The following ASIC2 variants were observed in gnomAD, a reference collection of about 807,000 sequenced individuals.
ASIC2 encodes acid sensing ion channel subunit 2.
Under a neutral mutation model 57.3 loss-of-function variants are expected in ASIC2, and 25 were observed. The ratio of observed to expected loss-of-function variants is 0.44; its 90% CI spans 0.32 to 0.61. ASIC2 has a LOEUF of 0.61. Among genes scored for constraint, ASIC2 ranks in the 20% least tolerant of loss-of-function variants. The pLI is 0.06. For missense variants in ASIC2, 641 were observed against 738.1 expected (o/e 0.87, Z 1.52); for synonymous variants, 319 against 307.5 (o/e 1.04, Z -0.39).
At chr17:34,021,199 T>C (rs1267174870) in intron 1 of ASIC2, among the ~76,000 whole-genome samples, 3 of 151,728 alleles carry the variant, frequency 2.0e-5, no homozygotes, top group African/African-American at 7.3e-5. Context: ...AAGAACTTAC[T>C]CATGTAACCA....
intron 1 of ASIC2, among the ~76,000 whole-genome samples, chr17:33,126,994 A>T (rs1230955956): frequency 6.9e-6 from 1 of 145,404 alleles, no homozygotes; most frequent in African/African-American, 2.6e-5. Flanking sequence ...CAGCCTCCCG[A>T]GTAGCTGGGA....
intron 1 of ASIC2, among the ~76,000 whole-genome samples, chr17:33,416,491 G>T (rs1910845331): frequency 6.6e-6 from 1 of 152,168 alleles, no homozygotes; most frequent in African/African-American, 2.4e-5. Context: ...AGGGTCTCAT[G>T]ATGCCTGGAG....
At position 33,821,005 on chromosome 17, in the gene ASIC2, G is replaced by A. The variant is rs1184000384; in HGVS notation, c.555+334973C>T. ...TCATCTAGGTACAAACAGTTCTGCC[G>A]GGAGTTCTGCATTGGGCTTTAGAGC... On this transcript the variant is annotated intron_variant, in intron 1 of 9. Coordinates refer to the ASIC2 transcript ENST00000359872. 2.0e-5 allele frequency among the ~76,000 whole-genome samples: 3 copies of A among 152,180 alleles called. No homozygotes were observed. In the South Asian group the frequency reaches 6.2e-4, roughly 32 times the overall value.
intron 1 of ASIC2, among the ~76,000 whole-genome samples, chr17:33,176,240 T>C (rs1905752055): frequency 6.6e-6 from 1 of 152,216 alleles, no homozygotes; most frequent in Non-Finnish European, 1.5e-5. Context: ...AATCTATTGC[T>C]TGTCTGTCTC....
At chr17:34,039,803 C>G in intron 1 of ASIC2, 1 of 1,610,066 alleles carries the variant, frequency 6.2e-7, no homozygotes, top group Non-Finnish European at 8.5e-7. Context: ...TTACTAACAC[C>G]TACTCCAGTA....
At chr17:33,600,237 G>T (rs1475634807) in intron 1 of ASIC2, among the ~76,000 whole-genome samples, 1 of 152,188 alleles carries the variant, frequency 6.6e-6, no homozygotes, top group Non-Finnish European at 1.5e-5. Flanking sequence ...GCAGGAATGG[G>T]CTCCTGATAA....
intron 1 of ASIC2, among the ~76,000 whole-genome samples, chr17:34,103,132 GTTTCT>G (rs1910926732): frequency 6.6e-6 from 1 of 152,014 alleles, no homozygotes; most frequent in Non-Finnish European, 1.5e-5. Flanking sequence ...CAGAGTTTTT[GTTTCT>G]TTTGATTTTT....
chr17:33,288,549 T>G (rs1422985423), intron 1 of ASIC2, among the ~76,000 whole-genome samples: 1 of 152,132 alleles, frequency 6.6e-6, no homozygotes, highest in Non-Finnish European at 1.5e-5. Flanking sequence ...AGGGAAACCA[T>G]GTGCTTTGAG....
At chr17:34,107,549 C>T (rs1341483631) in intron 1 of ASIC2, among the ~76,000 whole-genome samples, 1 of 152,076 alleles carries the variant, frequency 6.6e-6, no homozygotes, top group Non-Finnish European at 1.5e-5. Context: ...CTCTTTTGTT[C>T]AGTTCTACAG....
At chr17:33,989,393 G>C (rs1905932085) in intron 1 of ASIC2, among the ~76,000 whole-genome samples, 1 of 152,050 alleles carries the variant, frequency 6.6e-6, no homozygotes, top group Admixed American at 6.6e-5. Context: ...ACACAACAGA[G>C]GGACTTGGCC....
chr17:33,786,433 T>C (rs1911602538), intron 1 of ASIC2, among the ~76,000 whole-genome samples: 1 of 152,088 alleles, frequency 6.6e-6, no homozygotes, highest in African/African-American at 2.4e-5. Context: ...AAACTGAAGG[T>C]GGCATTGGGG....
intron 1 of ASIC2, among the ~76,000 whole-genome samples, chr17:33,490,469 T>C (rs1913717086): frequency 6.6e-6 from 1 of 152,228 alleles, no homozygotes; most frequent in Non-Finnish European, 1.5e-5. Context: ...ATTGTAATGG[T>C]CACTACCTGT....
At chr17:33,553,235 T>C (rs1325777707) in intron 1 of ASIC2, among the ~76,000 whole-genome samples, 1 of 151,984 alleles carries the variant, frequency 6.6e-6, no homozygotes, top group Non-Finnish European at 1.5e-5. Context: ...AGAGGGTGGG[T>C]TGAGATAGCA....
chr17:33,122,064 A>G (rs890486845), intron 1 of ASIC2, among the ~76,000 whole-genome samples: 3 of 152,214 alleles, frequency 2.0e-5, no homozygotes, highest in African/African-American at 4.8e-5. Flanking sequence ...AGGAAGCAGA[A>G]CCCAGGAGGA....
intron 1 of ASIC2, among the ~76,000 whole-genome samples, chr17:34,114,473 G>T (rs1370456757): frequency 6.6e-6 from 1 of 152,118 alleles, no homozygotes; most frequent in Non-Finnish European, 1.5e-5. Context: ...TTTGGAGCAA[G>T]GACAAGGAAA....
chr17:34,132,999 C>T (rs1220089749), intron 1 of ASIC2, among the ~76,000 whole-genome samples: 1 of 152,180 alleles, frequency 6.6e-6, no homozygotes, highest in Non-Finnish European at 1.5e-5. Flanking sequence ...TTTAATACCA[C>T]ATCTCCCTCT....
chr17:33,494,745 C>T (rs968965685), intron 1 of ASIC2, among the ~76,000 whole-genome samples: 3 of 152,198 alleles, frequency 2.0e-5, no homozygotes, highest in Admixed American at 6.5e-5. Context: ...CTGCCCACTT[C>T]GGAGCATTCT....
At chr17:33,407,885 G>A (rs1162360032) in intron 1 of ASIC2, among the ~76,000 whole-genome samples, 4 of 152,202 alleles carry the variant, frequency 2.6e-5, no homozygotes, top group African/African-American at 9.6e-5. Context: ...GGCCAGGACA[G>A]GGAGTGTATT....
chr17:33,559,400 A>G (rs1256025175), intron 1 of ASIC2, among the ~76,000 whole-genome samples: 1 of 152,168 alleles, frequency 6.6e-6, no homozygotes, highest in East Asian at 1.9e-4. Flanking sequence ...GTCATGCTCT[A>G]TATGGGCTCT....
Sources: gnomAD v4.1 joint callset for allele counts (sites outside exome capture counted in the v4.1 genomes callset) on GRCh38, gnomAD v4.1.1 for gene constraint, MANE v1.5 for transcripts, NCBI Gene and HGNC (gene_info 2026-07-23, HGNC 2026-07-21) for gene names.